Variants in MYT1 observed in about 807,000 individuals in gnomAD.
MYT1 encodes myelin transcription factor I.
MYT1 carries 23 observed loss-of-function variants against 123.0 expected under a neutral mutation model. That is an observed-to-expected ratio of 0.19 (90% CI 0.13 to 0.26). The LOEUF is 0.26. MYT1 is among the 10% of genes least tolerant of loss of function. The pLI, the probability that MYT1 is intolerant of heterozygous loss-of-function variation, is 1.00. For synonymous variants in MYT1, 518 were observed against 575.3 expected, an observed-to-expected ratio of 0.90 and a Z score of 1.43; for missense variants, 1,125 against 1,472.5, an observed-to-expected ratio of 0.76 and a Z score of 3.86.
intron 10 of MYT1, among the ~76,000 whole-genome samples, chr20:64,215,901 TAAGTTTA>T (rs1327919525): frequency 6.6e-6 from 1 of 152,086 alleles, no homozygotes; most frequent in Non-Finnish European, 1.5e-5. Flanking sequence ...GACCCAATGT[TAAGTTTA>T]AAGTTAGTTT....
intron 15 of MYT1, 34 bp downstream of exon 15, chr20:64,223,207 T>C (rs966408046): frequency 2.5e-6 from 4 of 1,613,980 alleles, no homozygotes; most frequent in Non-Finnish European, 3.4e-6. Flanking sequence ...CTGGCCTGGG[T>C]GCTTCGTGGT....
chr20:64,225,623 G>A (rs1448596468), intron 16 of MYT1, among the ~76,000 whole-genome samples: 2 of 152,154 alleles, frequency 1.3e-5, no homozygotes, highest in East Asian at 1.9e-4. Context: ...CAAGGTAGAG[G>A]GTGCCCCTCA....
Position 64,203,934 on chromosome 20 carries a change from A to G in MYT1, c.87-1101A>G, listed in dbSNP as rs1983400206. 2.0e-5 allele frequency among the ~76,000 whole-genome samples: 3 copies of G among 152,208 alleles called. No homozygotes were observed. Among genetic ancestry groups the G allele is most frequent in the South Asian group, 4.1e-4 (2 of 4,830 alleles). On this transcript the variant is annotated intron_variant, in intron 4 of 22. Transcript: ENST00000328439. This position sits in a 1 kb window ranked among gnomAD's most constrained non-coding sequence, Gnocchi z 5.1. ...GTTTTGGAAAGAGCTCAGACTCACA[A>G]TGCCAGTCCTGTTAAAAGCAAGGTC... is the stretch of plus-strand genomic sequence containing the variant.
At chr20:64,180,173 A>G (rs917988826) in intron 1 of MYT1, among the ~76,000 whole-genome samples, 1 of 151,884 alleles carries the variant, frequency 6.6e-6, no homozygotes, top group African/African-American at 2.4e-5. Context: ...ACACAGTTAC[A>G]TGCATGCTCT....
chr20:64,235,947 G>A (rs1439578492), intron 19 of MYT1, among the ~76,000 whole-genome samples: 9 of 146,608 alleles, frequency 6.1e-5, no homozygotes, highest in Admixed American at 1.3e-4. Context: ...GTGACCCTGG[G>A]CTGGACGTGG....
intron 1 of MYT1, among the ~76,000 whole-genome samples, chr20:64,165,498 T>C (rs1416340093): frequency 1.3e-5 from 2 of 152,186 alleles, no homozygotes; most frequent in African/African-American, 4.8e-5. Flanking sequence ...CCGTGGACTT[T>C]GGTTCTGTCT....
intron 5 of MYT1, 107 bp downstream of exon 5, chr20:64,205,204 C>A: frequency 7.4e-7 from 1 of 1,353,106 alleles, no homozygotes; most frequent in Non-Finnish European, 1.0e-6. Flanking sequence ...CTCCCAAGGC[C>A]AGGCTGCTGA....
At position 64,207,943 on chromosome 20, in the gene MYT1, C is replaced by T. The variant is rs1367444004; in HGVS notation, c.747C>T (p.Ser249=). Residue 249 remains serine, a synonymous_variant, in exon 7 of 23, where the codon AGC becomes AGT. Coordinates refer to ENST00000328439, the MANE Select transcript of MYT1 (RefSeq NM_004535.3). ...SLEDAASEES[S]KQKGILSHEE... ...AGGATGCAGCCAGTGAGGAGTCCAG[C>T]AAGCAGAAAGGCATCCTGAGTCACG... 2 of 1,609,586 alleles carry T rather than the reference C, an allele frequency of 1.2e-6. No individual in the cohort carries two copies. Among genetic ancestry groups the T allele is most frequent in the South Asian group, 1.1e-5 (1 of 90,708 alleles).
At chr20:64,230,428 G>A (rs973618672) in intron 18 of MYT1, among the ~76,000 whole-genome samples, 5 of 152,230 alleles carry the variant, frequency 3.3e-5, no homozygotes, top group African/African-American at 9.6e-5. Context: ...CAGGAGAATC[G>A]CTTGAAGCCG....
chr20:64,220,470 C>A lies in MYT1; in HGVS notation c.2241+488C>A, dbSNP rs570083658. Among the ~76,000 whole-genome samples, 5 of 152,352 alleles carry A rather than the reference C, an allele frequency of 3.3e-5. No individual in the cohort carries two copies. In the East Asian group the frequency reaches 9.6e-4, roughly 29 times the overall value. On this transcript the variant is annotated intron_variant, in intron 13 of 22. Transcript: ENST00000328439. ...GTGGGCAGTTCTACGTCCCCGAGACCAGGACCAACCTGGCATGGGTGCTGG... is the reference window on the plus strand; with the variant it reads ...GTGGGCAGTTCTACGTCCCCGAGACAAGGACCAACCTGGCATGGGTGCTGG...
At chr20:64,239,703 C>A (rs1010914125) in intron 21 of MYT1, 57 bp from the exon 22 acceptor site, 38 of 1,607,482 alleles carry the variant, frequency 2.4e-5, no homozygotes, top group Middle Eastern at 3.3e-4. Context: ...CCAGAGAGGA[C>A]CCCCAGGAGG....
rs1055368898 is a variant in MYT1 at position 64,186,279 on chromosome 20, C to T, written c.-98-3784C>T. On this transcript the variant is annotated intron_variant, in intron 1 of 22. Coordinates refer to ENST00000328439, the MANE Select transcript of MYT1 (RefSeq NM_004535.3). This position sits in a 1 kb window ranked among gnomAD's most constrained non-coding sequence, Gnocchi z 4.3. ...AGAGAGGGGTCCCAGCCAGCGCCGC[C>T]CTCTGGGTGCCGGGAGCTGATCCCG... Among the ~76,000 whole-genome samples the T allele has an allele frequency of 6.6e-5, 10 of 152,144 alleles. 1 individual carries two copies. The highest frequency in any genetic ancestry group is 3.3e-4 in the Admixed American group (5 of 15,286).
rs1234499162 is a variant in MYT1 at position 64,199,916 on chromosome 20, A to T, written c.80A>T (p.Asp27Val). The change falls in exon 4 of 23, where the codon GAC (aspartate) becomes GTC (valine). Residue 27 changes from aspartate to valine, a missense_variant. Physicochemically the swap from Asp to Val is radical, Grantham distance 152. This residue lies in a region of MYT1 where 406 missense variants were observed against 432.2 expected (regional missense o/e 0.94). Coordinates refer to ENST00000328439, the MANE Select transcript of MYT1 (RefSeq NM_004535.3). ...GGACCCCCAGAGACCACAGCTGCAG[A>T]CCTCAGGTAAGGAAGTCTTCCTGTT... ...LRGPPETTAADLSCPTPGCTG... is the reference protein window; with the variant it reads ...LRGPPETTAAVLSCPTPGCTG... The T allele has an allele frequency of 6.2e-7, 1 of 1,613,894 alleles. No homozygotes were observed. The highest frequency in any genetic ancestry group is 8.5e-7 in the Non-Finnish European group (1 of 1,179,968).
At chr20:64,230,883 G>A (rs1379091125) in intron 18 of MYT1, among the ~76,000 whole-genome samples, 1 of 152,224 alleles carries the variant, frequency 6.6e-6, no homozygotes. Flanking sequence ...TGGCCGAGTT[G>A]GCTGGGAAGG....
chr20:64,207,811 T>A lies in MYT1; in HGVS notation c.615T>A (p.Ala205=), dbSNP rs1390870250. 3.1e-6 allele frequency: 5 copies of A among 1,613,614 alleles called. No homozygotes were observed. The highest frequency in any genetic ancestry group is 4.2e-6 in the Non-Finnish European group (5 of 1,179,890). Residue 205 remains alanine, a synonymous_variant, in exon 7 of 23, where the codon GCT becomes GCA. Coordinates refer to ENST00000328439, the MANE Select transcript of MYT1 (RefSeq NM_004535.3). The stretch of plus-strand genomic sequence containing the variant: ...TGCTTCAGGAGGCTGCAGAGGGAGC[T>A]GCCAGCGAGGAGGGTGAAAAGGGCC... The part of the protein sequence containing the change: ...VHLLQEAAEG[A]ASEEGEKGLF...
chr20:64,165,106 G>A (rs890375104), intron 1 of MYT1, among the ~76,000 whole-genome samples: 4 of 152,040 alleles, frequency 2.6e-5, no homozygotes, highest in Admixed American at 2.6e-4. Flanking sequence ...TGTGGCCGTG[G>A]GACCCAGCAG....
rs576998273 is a variant in MYT1, at chr20:64,212,980, G to A, written c.1518-554G>A. On this transcript the variant is annotated intron_variant, in intron 9 of 22. Transcript: ENST00000328439. This position sits in a 1 kb window ranked among gnomAD's most constrained non-coding sequence, Gnocchi z 6.8. Reference sequence around the variant, plus strand: ...TCCCTGGGCTGGCTGAGGGACTGGCGCTGGAGCTCACAGTTAACTTTATTC... The same window carrying A: ...TCCCTGGGCTGGCTGAGGGACTGGCACTGGAGCTCACAGTTAACTTTATTC... Among the ~76,000 whole-genome samples the A allele has an allele frequency of 1.3e-5, 2 of 152,264 alleles. No individual in the cohort carries two copies. Among genetic ancestry groups the A allele is most frequent in the East Asian group, 1.9e-4 (1 of 5,186 alleles).
At chr20:64,200,636 C>T (rs1209321236) in intron 4 of MYT1, among the ~76,000 whole-genome samples, 1 of 152,130 alleles carries the variant, frequency 6.6e-6, no homozygotes, top group East Asian at 1.9e-4. Flanking sequence ...GCTGCAAGCC[C>T]CAGGCTCTGC....
In MYT1 at chr20:64,211,195, G is replaced by A; in HGVS notation, c.1292-11G>A. On this transcript the variant is annotated splice_polypyrimidine_tract_variant and intron_variant, in intron 7 of 22. Transcript: ENST00000328439. ...TTCCTGGCTCTAACTGATGTGACTT[G>A]TGTGTTTTAGATCCTTCAAGAGCTG... 1 of 1,609,388 alleles carries A rather than the reference G, an allele frequency of 6.2e-7. No individual in the cohort carries two copies. The highest frequency in any genetic ancestry group is 8.5e-7 in the Non-Finnish European group (1 of 1,176,952).
Sources: allele counts gnomAD v4.1 joint callset (sites outside exome capture counted in the v4.1 genomes callset), GRCh38; gene constraint gnomAD v4.1.1; regional missense constraint gnomAD v4.1.1; non-coding constraint Gnocchi (gnomAD v3.1); transcripts MANE v1.5; gene names NCBI Gene and HGNC (gene_info 2026-07-23, HGNC 2026-07-21).